PCSK6: variants seen among roughly 807,000 people sequenced by gnomAD.
The protein encoded by PCSK6 is proprotein convertase subtilisin/kexin type 6.
In PCSK6, 85 loss-of-function variants were observed where a neutral mutation model predicts 123.3. That is an observed-to-expected ratio of 0.69 (90% CI 0.58 to 0.83). The LOEUF is 0.83. Among genes scored for constraint, PCSK6 ranks in the 40% least tolerant of loss-of-function variants. The pLI, the probability that PCSK6 is intolerant of heterozygous loss-of-function variation, is 0.00. For missense variants in PCSK6, 1,191 were observed against 1,282.3 expected, an observed-to-expected ratio of 0.93 and a Z score of 1.09; for synonymous variants, 508 against 516.0, an observed-to-expected ratio of 0.98 and a Z score of 0.21.
At chr15:101,307,008 TGA>T (rs2039737302) in intron 21 of PCSK6, among the ~76,000 whole-genome samples, 1 of 152,186 alleles carries the variant, frequency 6.6e-6, no homozygotes, top group Non-Finnish European at 1.5e-5. Context: ...CTGATCGATG[TGA>T]GAGGCCTAGA....
chr15:101,435,022 G>A lies in PCSK6; in HGVS notation c.403-2922C>T, dbSNP rs74032877. On this transcript the variant is annotated intron_variant, in intron 2 of 21. Transcript: ENST00000611716. ...CACTGAGTCTTCCTGTGTGTCTGGC[G>A]CTAGGTTCTGGGAAGATCAGCATGA... Among the ~76,000 whole-genome samples the A allele has an allele frequency of 3.4e-3, 524 of 152,282 alleles. 4 individuals are homozygous for A. Among genetic ancestry groups the A allele is most frequent in the African/African-American group, 0.012 (497 of 41,560 alleles).
intron 20 of PCSK6, among the ~76,000 whole-genome samples, chr15:101,311,442 C>A (rs577319203): frequency 6.6e-6 from 1 of 152,044 alleles, no homozygotes. Flanking sequence ...CCCTCTCTTG[C>A]TCCTGCTATT....
chr15:101,423,785 AT>A (rs575846504), intron 6 of PCSK6, among the ~76,000 whole-genome samples: 9 of 152,168 alleles, frequency 5.9e-5, no homozygotes, highest in African/African-American at 1.9e-4. Flanking sequence ...AATATTGACA[AT>A]TTTTTTTCCA....
intron 18 of PCSK6, among the ~76,000 whole-genome samples, chr15:101,320,242 T>C: frequency 6.6e-6 from 1 of 152,076 alleles, no homozygotes. Context: ...TGCACCACCA[T>C]GTCTGGCTAT....
At chr15:101,418,998 C>CATTT (rs1567206866) in intron 6 of PCSK6, among the ~76,000 whole-genome samples, 3 of 152,210 alleles carry the variant, frequency 2.0e-5, no homozygotes, top group African/African-American at 7.2e-5. Flanking sequence ...ACAGGGAAGA[C>CATTT]ATTTACAAAT....
chr15:101,307,089 A>G, intron 21 of PCSK6, 124 bp downstream of exon 21: 1 of 677,720 alleles, frequency 1.5e-6, no homozygotes, highest in Non-Finnish European at 2.7e-6. Flanking sequence ...CAATCGGATC[A>G]GGGGCACGAA....
chr15:101,330,058 C>T (rs894828238), intron 15 of PCSK6, among the ~76,000 whole-genome samples: 2 of 152,216 alleles, frequency 1.3e-5, no homozygotes, highest in African/African-American at 4.8e-5. Context: ...CTGGGGTGGC[C>T]TCCACCTGCA....
chr15:101,435,928 G>C (rs894254555), intron 2 of PCSK6, among the ~76,000 whole-genome samples: 1 of 152,196 alleles, frequency 6.6e-6, no homozygotes, highest in Non-Finnish European at 1.5e-5. Context: ...TCCTTTCAGC[G>C]AGCAGCCATG....
Position 101,489,385 on chromosome 15 carries a change from T to C in PCSK6, c.286A>G (p.Asn96Asp). 1 of 1,252,656 alleles carries C rather than the reference T, an allele frequency of 8.0e-7. No individual in the cohort carries two copies. Among genetic ancestry groups the C allele is most frequent in the Non-Finnish European group, 1.0e-6 (1 of 985,728 alleles). The allele number at this position is 1,252,656 out of a possible 1,614,324, so 77.6% of individuals were successfully genotyped here. A position where few individuals can be genotyped will look rare whatever the true frequency, so the allele number is the denominator to read the frequency against. ...CCGGCCGCACTCACCTGGCCCAAGT[T>C]GAGGTACCCGTGCGCCGCCGCCACG... Reference protein sequence around the residue: ...DRVAAAHGYLNLGQIGNLEDY... With the variant: ...DRVAAAHGYLDLGQIGNLEDY... Residue 96 changes from asparagine (N) to aspartate (D), a missense_variant, in exon 1 of 22, where the codon AAC becomes GAC. Physicochemically the swap from Asn to Asp is conservative, Grantham distance 23 (BLOSUM62 1). Transcript: ENST00000611716.
chr15:101,347,863 C>G, intron 13 of PCSK6: 1 of 1,040,550 alleles, frequency 9.6e-7, no homozygotes, highest in Non-Finnish European at 1.5e-6. Flanking sequence ...TGGAGGGCAG[C>G]AGGAGGAAGC....
intron 13 of PCSK6, among the ~76,000 whole-genome samples, chr15:101,343,433 A>G (rs1456738842): frequency 6.6e-6 from 1 of 152,084 alleles, no homozygotes; most frequent in Non-Finnish European, 1.5e-5. Context: ...TTGGATGCTT[A>G]GCACATTAAT....
At chr15:101,404,905 A>AT (rs1180199146) in intron 6 of PCSK6, among the ~76,000 whole-genome samples, 1 of 152,208 alleles carries the variant, frequency 6.6e-6, no homozygotes, top group Non-Finnish European at 1.5e-5. Context: ...TGAAATGCCT[A>AT]TTTTTGAACA....
At chr15:101,406,405 C>T (rs1334600259) in intron 6 of PCSK6, among the ~76,000 whole-genome samples, 1 of 152,250 alleles carries the variant, frequency 6.6e-6, no homozygotes, top group Non-Finnish European at 1.5e-5. Flanking sequence ...TAAAATTAGA[C>T]TGTCGCTTCC....
chr15:101,331,844 C>A lies in PCSK6; in HGVS notation c.2038+8G>T. The A allele has an allele frequency of 1.2e-6, 2 of 1,612,116 alleles. No individual in the cohort carries two copies. Among genetic ancestry groups the A allele is most frequent in the Non-Finnish European group, 1.7e-6 (2 of 1,178,620 alleles). On this transcript the variant is annotated splice_region_variant and intron_variant, in intron 14 of 21. Coordinates refer to ENST00000611716, the MANE Select transcript of PCSK6 (RefSeq NM_002570.5). ...GCTGGCCGTCTCCTCTTACTTCAGG[C>A]TCATTACCTGTGTAATCTTCCTCAT... is the stretch of plus-strand genomic sequence containing the variant.
intron 6 of PCSK6, among the ~76,000 whole-genome samples, chr15:101,408,568 A>G (rs2042846232): frequency 6.6e-6 from 1 of 152,230 alleles, no homozygotes; most frequent in African/African-American, 2.4e-5. Flanking sequence ...CAGATCTAGC[A>G]GGCAGGGGCC....
At chr15:101,367,575 C>T (rs2041438488) in intron 12 of PCSK6, among the ~76,000 whole-genome samples, 1 of 152,154 alleles carries the variant, frequency 6.6e-6, no homozygotes, top group South Asian at 2.1e-4. Flanking sequence ...AAGCTGAACC[C>T]AACACACTGG....
intron 18 of PCSK6, among the ~76,000 whole-genome samples, 165 bp from the exon 19 acceptor site, chr15:101,318,587 G>A (rs185674787): frequency 2.4e-4 from 37 of 152,378 alleles, no homozygotes; most frequent in Admixed American, 2.4e-3. Context: ...CCCGCAGTCC[G>A]CTGGGGGCCC....
chr15:101,460,066 C>T (rs557537112), intron 1 of PCSK6, among the ~76,000 whole-genome samples: 2 of 152,126 alleles, frequency 1.3e-5, no homozygotes, highest in Admixed American at 6.5e-5. Context: ...TGAGGGCCTC[C>T]TCCCCACACA....
intron 1 of PCSK6, among the ~76,000 whole-genome samples, chr15:101,446,711 A>T (rs116798969): frequency 0.013 from 2,042 of 152,338 alleles, 41 homozygotes; most frequent in African/African-American, 0.044. Context: ...TGAGAGTATC[A>T]GGGGAGTTCA....
Sources: gnomAD v4.1 joint callset for allele counts (sites outside exome capture counted in the v4.1 genomes callset) on GRCh38, gnomAD v4.1.1 for gene constraint, MANE v1.5 for transcripts, NCBI Gene and HGNC (gene_info 2026-07-23, HGNC 2026-07-21) for gene names.